Variants in OR4E1 observed in about 807,000 individuals in gnomAD.
OR4E1 encodes the protein olfactory receptor family 4 subfamily E member 1.
chr14:21,670,723 G>A lies in OR4E1; in HGVS notation c.213C>T (p.Ser71=), dbSNP rs1880894976. The change falls in exon 2 of 2, where the codon TCC becomes TCT. Residue 71 remains serine (S), a synonymous_variant. Coordinates refer to ENST00000641792, the MANE Select transcript of OR4E1 (RefSeq NM_001317107.2). ...CAGTGGAGTGGCAGACATCAATAAA[G>A]GACAGGTTGCTGAGGAAGAAATACA... The part of the protein sequence containing the change: ...TPMYFFLSNL[S]FIDVCHSTVT... 9.9e-6 allele frequency: 4 copies of A among 402,184 alleles called. No homozygotes were observed. The highest frequency in any genetic ancestry group is 3.6e-5 in the East Asian group (1 of 28,080). 24.9% of individuals were successfully genotyped at this position (402,184 alleles called of 1,614,324 possible).
Position 21,670,306 on chromosome 14 carries a change from GA to G in OR4E1, c.629del (p.Ile210ThrfsTer18). On this transcript the variant is annotated frameshift_variant, in exon 2 of 2. Coordinates refer to ENST00000641792, the MANE Select transcript of OR4E1 (RefSeq NM_001317107.2). LOFTEE classifies it low-confidence loss of function (END_TRUNC). ...EILIVSNSGL[I>X]SVVCFVVLVV... is the part of the protein sequence containing the mutation. ...CCAGGACCACAAAACAGACCACGGA[GA>G]TCAATCCACTGTTGGAGACAATGAG... 1 of 398,780 alleles carries G rather than the reference GA, an allele frequency of 2.5e-6. No homozygotes were observed. The highest frequency in any genetic ancestry group is 4.4e-6 in the Non-Finnish European group (1 of 226,204). 24.7% of individuals were successfully genotyped at this position (398,780 alleles called of 1,614,324 possible).
At position 21,668,830 on chromosome 14, in the gene OR4E1, C is replaced by T. The variant is rs1880775981; in HGVS notation, c.*1158G>A. On this transcript the variant is annotated 3_prime_UTR_variant, in exon 2 of 2. Coordinates refer to ENST00000641792, the MANE Select transcript of OR4E1 (RefSeq NM_001317107.2). ...AATAACTAAAATAATTTTATTAAAA[C>T]ATAAATTATTTCATGCCACACCTGT... The T allele has an allele frequency of 6.6e-6, 1 of 152,178 alleles. No individual in the cohort carries two copies. Among genetic ancestry groups the T allele is most frequent in the Admixed American group, 6.5e-5 (1 of 15,276 alleles). 9.4% of individuals were successfully genotyped at this position (152,178 alleles called of 1,614,324 possible).
rs533669474 is a variant in OR4E1 at position 21,668,179 on chromosome 14, A to C, written c.*1809T>G. On this transcript the variant is annotated 3_prime_UTR_variant, in exon 2 of 2. Transcript: ENST00000641792. ...TACGTTGAAGCATTGTGTTGTTGAC[A>C]GACAATATGACAATTTTGCACGTGT... 2 of 152,636 alleles carry C rather than the reference A, an allele frequency of 1.3e-5. No homozygotes were observed. Among genetic ancestry groups the C allele is most frequent in the African/African-American group, 4.8e-5 (2 of 41,580 alleles). 9.5% of individuals were successfully genotyped at this position (152,636 alleles called of 1,614,324 possible).
In OR4E1 at chr14:21,669,394, T is replaced by C. The variant is rs1056511920; in HGVS notation, c.*594A>G. 3.3e-5 allele frequency: 5 copies of C among 152,248 alleles called. No homozygotes were observed. The highest frequency in any genetic ancestry group is 9.6e-5 in the African/African-American group (4 of 41,472). The allele number at this position is 152,248 out of a possible 1,614,324, so 9.4% of individuals were successfully genotyped here. A position where few individuals can be genotyped will look rare whatever the true frequency, so the allele number is the denominator to read the frequency against. Reference sequence around the variant, plus strand: ...AGATATCCCCATTTCATTGCTCTGATGGCAGATTTTGCCTGGATACTTGAG... The same window carrying C: ...AGATATCCCCATTTCATTGCTCTGACGGCAGATTTTGCCTGGATACTTGAG... On this transcript the variant is annotated 3_prime_UTR_variant, in exon 2 of 2. Coordinates refer to ENST00000641792, the MANE Select transcript of OR4E1 (RefSeq NM_001317107.2).
At position 21,669,494 on chromosome 14, in the gene OR4E1, T is replaced by G. The variant is rs1880817238; in HGVS notation, c.*494A>C. On this transcript the variant is annotated 3_prime_UTR_variant, in exon 2 of 2. Transcript: ENST00000641792. Reference sequence around the variant, plus strand: ...TCATGTGGAAACTCACTTTATCTGCTTCACTAGTGTTTGCTAAGCTGTTTA... The same window carrying G: ...TCATGTGGAAACTCACTTTATCTGCGTCACTAGTGTTTGCTAAGCTGTTTA... The G allele has an allele frequency of 6.6e-6, 1 of 152,278 alleles. No individual in the cohort carries two copies. Among genetic ancestry groups the G allele is most frequent in the African/African-American group, 2.4e-5 (1 of 41,472 alleles). The allele number at this position is 152,278 out of a possible 1,614,324, so 9.4% of individuals were successfully genotyped here.
chr14:21,670,054 C>T lies in OR4E1; in HGVS notation c.882G>A (p.Arg294=). ...TTAAGGCACTCTTCATTTCTTCATT[C>T]CTAAGGGTATAGATAATGGGGTTCA... ...PLLNPIIYTL[R]NEEMKSALNK... Residue 294 remains arginine (R), a synonymous_variant, in exon 2 of 2, where the codon AGG becomes AGA. Transcript: ENST00000641792. The T allele has an allele frequency of 2.5e-6, 1 of 398,570 alleles. No homozygotes were observed. Among genetic ancestry groups the T allele is most frequent in the Non-Finnish European group, 4.4e-6 (1 of 226,118 alleles). 24.7% of individuals were successfully genotyped at this position (398,570 alleles called of 1,614,324 possible).
In OR4E1 at chr14:21,670,068, T is replaced by A. The variant is rs1382337631; in HGVS notation, c.868A>T (p.Ile290Phe). 1.3e-5 allele frequency: 5 copies of A among 398,522 alleles called. No homozygotes were observed. Among genetic ancestry groups the A allele is most frequent in the Non-Finnish European group, 2.2e-5 (5 of 226,160 alleles). The allele number at this position is 398,522 out of a possible 1,614,324, so 24.7% of individuals were successfully genotyped here. ...TAVTPLLNPI[I>F]YTLRNEEMKS... ...ATTTCTTCATTCCTAAGGGTATAGA[T>A]AATGGGGTTCAGCAGGGGGGTGACT... Residue 290 changes from isoleucine to phenylalanine, a missense_variant, in exon 2 of 2, where the codon ATC (isoleucine) becomes TTC (phenylalanine). Transcript: ENST00000641792.
chr14:21,673,124 G>T lies in OR4E1; in HGVS notation c.-52C>A, dbSNP rs540551936. On this transcript the variant is annotated 5_prime_UTR_variant, in exon 1 of 2. Transcript: ENST00000641792. ...TCCAATAAGAAAGGTGAGAGCCCTT[G>T]AAGTTCCCTCCTTAGGTCTTGTTCA... The T allele has an allele frequency of 6.6e-6, 1 of 152,272 alleles. No homozygotes were observed. The highest frequency in any genetic ancestry group is 2.1e-4 in the South Asian group (1 of 4,822). 9.4% of individuals were successfully genotyped at this position (152,272 alleles called of 1,614,324 possible).
chr14:21,671,218 A>G (rs1880928846), intron 1 of OR4E1, among the ~76,000 whole-genome samples: 1 of 152,244 alleles, frequency 6.6e-6, no homozygotes, highest in African/African-American at 2.4e-5. Context: ...AGAGAGAGGG[A>G]AAGACCAAAC....
chr14:21,670,789 A>G lies in OR4E1; in HGVS notation c.147T>C (p.Ile49=). 1 of 400,146 alleles carries G rather than the reference A, an allele frequency of 2.5e-6. No individual in the cohort carries two copies. The highest frequency in any genetic ancestry group is 1.3e-4 in the South Asian group (1 of 7,868). 24.8% of individuals were successfully genotyped at this position (400,146 alleles called of 1,614,324 possible). A position where few individuals can be genotyped will look rare whatever the true frequency, so the allele number is the denominator to read the frequency against. The change falls in exon 2 of 2, where the codon ATT becomes ATC. Residue 49 remains isoleucine (I), a synonymous_variant. Transcript: ENST00000641792. ...YVLTLIGNVL[I]VITIIYDHRL... ...GGTGGTCATAGATAATAGTTATGACAATGAGAACATTCCCAATCAGTGTCA... is the reference window on the plus strand; with the variant it reads ...GGTGGTCATAGATAATAGTTATGACGATGAGAACATTCCCAATCAGTGTCA...
chr14:21,667,981 C>CT lies in OR4E1; in HGVS notation c.*2006dup, dbSNP rs1880731946. The CT allele has an allele frequency of 1.3e-5, 2 of 152,456 alleles. No homozygotes were observed. Among genetic ancestry groups the CT allele is most frequent in the African/African-American group, 2.4e-5 (1 of 41,382 alleles). 9.4% of individuals were successfully genotyped at this position (152,456 alleles called of 1,614,324 possible). On this transcript the variant is annotated 3_prime_UTR_variant, in exon 2 of 2. Transcript: ENST00000641792. ...TTATCTTGTCTCTGAGTCTGAAAAGCTTTTTTCTGTAAAACGGAGACAAAA... is the reference window on the plus strand; with the variant it reads ...TTATCTTGTCTCTGAGTCTGAAAAGCTTTTTTTCTGTAAAACGGAGACAAAA...
At position 21,670,401 on chromosome 14, in the gene OR4E1, C is replaced by A; in HGVS notation, c.535G>T (p.Asp179Tyr). Residue 179 changes from aspartate to tyrosine, a missense_variant, in exon 2 of 2, where the codon GAC becomes TAC. Asp to Tyr is a radical substitution (Grantham distance 160). Coordinates refer to ENST00000641792, the MANE Select transcript of OR4E1 (RefSeq NM_001317107.2). ...TGAGGTACATCACAGAAGAAGTTGT[C>A]AATCTCATCAGGACCACAGTAGGGC... ...KLPYCGPDEI[D>Y]NFFCDVPQVI... The A allele has an allele frequency of 2.5e-6, 1 of 399,742 alleles. No homozygotes were observed. Among genetic ancestry groups the A allele is most frequent in the South Asian group, 1.3e-4 (1 of 7,810 alleles). 24.8% of individuals were successfully genotyped at this position (399,742 alleles called of 1,614,324 possible).
Position 21,669,823 on chromosome 14 carries a change from G to C in OR4E1, c.*165C>G. 1 of 383,296 alleles carries C rather than the reference G, an allele frequency of 2.6e-6. No homozygotes were observed. The highest frequency in any genetic ancestry group is 4.6e-6 in the Non-Finnish European group (1 of 216,964). 23.7% of individuals were successfully genotyped at this position (383,296 alleles called of 1,614,324 possible). A position where few individuals can be genotyped will look rare whatever the true frequency, so the allele number is the denominator to read the frequency against. ...TGCACAGTGCCTAGAATAATTTCCA[G>C]CACAGAGAAGATATTAATAACCATA... On this transcript the variant is annotated 3_prime_UTR_variant, in exon 2 of 2. Coordinates refer to ENST00000641792, the MANE Select transcript of OR4E1 (RefSeq NM_001317107.2).
At chr14:21,671,735 C>G (rs944585904) in intron 1 of OR4E1, among the ~76,000 whole-genome samples, 1 of 152,064 alleles carries the variant, frequency 6.6e-6, no homozygotes, top group Non-Finnish European at 1.5e-5. Context: ...CTTACTGGCC[C>G]ACAAGTGAAA....
Position 21,670,345 on chromosome 14 carries a change from G to A in OR4E1, c.591C>T (p.His197=), listed in dbSNP as rs1383974277. The A allele has an allele frequency of 1.3e-5, 5 of 388,646 alleles. No individual in the cohort carries two copies. Among genetic ancestry groups the A allele is most frequent in the East Asian group, 7.5e-5 (2 of 26,700 alleles). 24.1% of individuals were successfully genotyped at this position (388,646 alleles called of 1,614,324 possible). A position where few individuals can be genotyped will look rare whatever the true frequency, so the allele number is the denominator to read the frequency against. ...QVIKLACIDT[H]VIEILIVSNS... is the part of the protein sequence containing the mutation. ...TGGAGACAATGAGGATCTCAATGAC[G>A]TGGGTGTCAATGCAGGCCAGCTTGA... The change falls in exon 2 of 2, where the codon CAC becomes CAT. Residue 197 remains histidine, a synonymous_variant. Transcript: ENST00000641792.
At chr14:21,673,042 G>C (rs1052666517) in intron 1 of OR4E1, 48 bp downstream of exon 1, 1 of 152,118 alleles carries the variant, frequency 6.6e-6, no homozygotes, top group Non-Finnish European at 1.5e-5. Flanking sequence ...TCTTCCAGTA[G>C]AAATAACAAC....
rs1320831026 is a variant in OR4E1, at chr14:21,669,751, A to G, written c.*237T>C. The stretch of plus-strand genomic sequence containing the variant: ...CGAGCTTTAGTTTCTTCATGTACAA[A>G]CAAGCATCATAATATCTACCTTTCA... On this transcript the variant is annotated 3_prime_UTR_variant, in exon 2 of 2. Transcript: ENST00000641792. 2 of 285,038 alleles carry G rather than the reference A, an allele frequency of 7.0e-6. No individual in the cohort carries two copies. The highest frequency in any genetic ancestry group is 1.3e-5 in the Non-Finnish European group (2 of 154,780). The allele number at this position is 285,038 out of a possible 1,614,324, so 17.7% of individuals were successfully genotyped here.
At chr14:21,672,730 A>T (rs182426094) in intron 1 of OR4E1, among the ~76,000 whole-genome samples, 1 of 152,310 alleles carries the variant, frequency 6.6e-6, no homozygotes, top group East Asian at 1.9e-4. Context: ...TAGAATATGG[A>T]TATACATTTT....
chr14:21,671,781 C>G (rs1255239792), intron 1 of OR4E1, among the ~76,000 whole-genome samples: 1 of 152,166 alleles, frequency 6.6e-6, no homozygotes, highest in African/African-American at 2.4e-5. Flanking sequence ...TAGCCTATGA[C>G]TCAAGCACCA....
Sources: allele counts gnomAD v4.1 joint callset (sites outside exome capture counted in the v4.1 genomes callset), GRCh38; gene constraint gnomAD v4.1.1; transcripts MANE v1.5; gene names NCBI Gene and HGNC (gene_info 2026-07-23, HGNC 2026-07-21).